CCDC158: variants seen among roughly 807,000 people sequenced by gnomAD.
The protein encoded by CCDC158 is coiled-coil domain-containing protein 158.
In CCDC158, 116 loss-of-function variants were observed where a neutral mutation model predicts 138.6. That is an observed-to-expected ratio of 0.84 (90% CI 0.72 to 0.98). CCDC158 has a LOEUF of 0.98. Ranked by LOEUF, CCDC158 falls within the 50% of genes least tolerant of loss-of-function variation. The probability of loss-of-function intolerance (pLI) is 0.00; values close to 1 mark genes in which losing one functional copy is unlikely to be tolerated. For missense variants in CCDC158, 1,265 were observed against 1,306.1 expected, an observed-to-expected ratio of 0.97 and a Z score of 0.48; for synonymous variants, 436 against 442.4, an observed-to-expected ratio of 0.99 and a Z score of 0.18.
rs375342560 is a variant in CCDC158 at position 76,338,391 on chromosome 4, A to G, written c.2665-4224T>C. 2.8e-4 allele frequency among the ~76,000 whole-genome samples: 42 copies of G among 152,310 alleles called. No homozygotes were observed. The East Asian group carries it at 7.7e-3, about 28-fold the overall frequency. ...TGGGCATGGTAGCGTGTATGCCTGTAGTCCCAGCTACTCGGGGGCCTGAGG... is the reference window on the plus strand; with the variant it reads ...TGGGCATGGTAGCGTGTATGCCTGTGGTCCCAGCTACTCGGGGGCCTGAGG... On this transcript the variant is annotated intron_variant, in intron 18 of 24. Transcript: ENST00000682701.
At chr4:76,343,250 A>G (rs1051861593) in intron 18 of CCDC158, among the ~76,000 whole-genome samples, 3 of 152,222 alleles carry the variant, frequency 2.0e-5, no homozygotes, top group African/African-American at 7.2e-5. Context: ...GAAACTGATC[A>G]GCCCAAGAAT....
rs1720771232 is a variant in CCDC158 at position 76,328,928 on chromosome 4, G to A, written c.2982C>T (p.Pro994=). The change falls in exon 22 of 25, where the codon CCC becomes CCT. Residue 994 remains proline (P), a synonymous_variant. Transcript: ENST00000682701. ...CAGATGTGAATGTGAAGCAACCAGA[G>A]GGATCTTCCCTGTCTCCTGCGTGTA... The part of the protein sequence containing the change: ...VTLHAGDRED[P]SGCFTFTSAA... The A allele has an allele frequency of 6.2e-7, 1 of 1,613,934 alleles. No individual in the cohort carries two copies. The highest frequency in any genetic ancestry group is 8.5e-7 in the Non-Finnish European group (1 of 1,179,844).
At chr4:76,398,674 A>G in intron 3 of CCDC158, among the ~76,000 whole-genome samples, 1 of 151,654 alleles carries the variant, frequency 6.6e-6, no homozygotes, top group Non-Finnish European at 1.5e-5. Flanking sequence ...CTCAAAAAAA[A>G]AAAAAAAAAA....
At chr4:76,354,126 A>G (rs190039272) in intron 15 of CCDC158, among the ~76,000 whole-genome samples, 1 of 151,796 alleles carries the variant, frequency 6.6e-6, no homozygotes, top group Non-Finnish European at 1.5e-5. Context: ...GCTACGATGA[A>G]TATTTTCCTT....
At position 76,328,887 on chromosome 4, in the gene CCDC158, A is replaced by C. The variant is rs1191793362; in HGVS notation, c.3010+13T>G. On this transcript the variant is annotated intron_variant, in intron 22 of 24. Transcript: ENST00000682701. ...TTGTAGGGCCTATTTCTGTGCTTTC[A>C]TTGGAAACTCACCTGCAGATGTGAA... 1 of 1,611,472 alleles carries C rather than the reference A, an allele frequency of 6.2e-7. No individual in the cohort carries two copies. The highest frequency in any genetic ancestry group is 1.3e-5 in the African/African-American group (1 of 74,908).
chr4:76,421,230 G>C (rs1730102693), upstream of CCDC158, among the ~76,000 whole-genome samples: 3 of 152,098 alleles, frequency 2.0e-5, no homozygotes. Context: ...GACGCTCTGC[G>C]AGGCTTCGTA....
chr4:76,355,521 G>C, intron 14 of CCDC158, 85 bp from the exon 15 acceptor site: 1 of 887,258 alleles, frequency 1.1e-6, no homozygotes, highest in Non-Finnish European at 1.9e-6. Flanking sequence ...TTTATGAGAA[G>C]GTGACAAGTA....
chr4:76,346,455 T>C (rs1049749469), intron 18 of CCDC158, among the ~76,000 whole-genome samples: 3 of 152,248 alleles, frequency 2.0e-5, no homozygotes, highest in African/African-American at 7.2e-5. Flanking sequence ...CTCACGCCTG[T>C]AATCCCAACG....
Position 76,380,194 on chromosome 4 carries a change from G to A in CCDC158, c.915-790C>T, listed in dbSNP as rs147066732. 2.8e-3 allele frequency among the ~76,000 whole-genome samples: 421 copies of A among 151,806 alleles called. 2 individuals are homozygous for A. The highest frequency in any genetic ancestry group is 9.2e-3 in the African/African-American group (382 of 41,348). On this transcript the variant is annotated intron_variant, in intron 8 of 24. Transcript: ENST00000682701. Reference sequence around the variant, plus strand: ...TATCTGAAAATGTGAAAGTGAATTTGGAACTAGGTAACAGGCAGAGGTTGG... The same window carrying A: ...TATCTGAAAATGTGAAAGTGAATTTAGAACTAGGTAACAGGCAGAGGTTGG...
At position 76,313,080 on chromosome 4, in the gene CCDC158, TAAAAAG is replaced by T; in HGVS notation, c.*84_*89del. On this transcript the variant is annotated 3_prime_UTR_variant, in exon 25 of 25. Coordinates refer to ENST00000682701, the MANE Select transcript of CCDC158 (RefSeq NM_001394954.1). ...GGGTATCTTTTATTAAATTTTCACA[TAAAAAG>T]AAAAAGTACACAGGGCACTAATTAC... 2 of 731,414 alleles carry T rather than the reference TAAAAAG, an allele frequency of 2.7e-6. No homozygotes were observed. Among genetic ancestry groups the T allele is most frequent in the Non-Finnish European group, 2.2e-6 (1 of 455,814 alleles). 45.3% of individuals were successfully genotyped at this position (731,414 alleles called of 1,614,324 possible). A position where few individuals can be genotyped will look rare whatever the true frequency, so the allele number is the denominator to read the frequency against.
intron 14 of CCDC158, among the ~76,000 whole-genome samples, chr4:76,356,209 T>C (rs1351302836): frequency 6.6e-6 from 1 of 152,176 alleles, no homozygotes; most frequent in Admixed American, 6.5e-5. Context: ...ATTAACAAGA[T>C]ACAGTTCTTC....
intron 18 of CCDC158, among the ~76,000 whole-genome samples, chr4:76,346,263 GACCTAAA>G (rs1722534380): frequency 1.3e-5 from 2 of 152,140 alleles, no homozygotes; most frequent in South Asian, 4.1e-4. Flanking sequence ...TTAAATGTAA[GACCTAAA>G]ACCATAAAAA....
At chr4:76,421,518 C>T (rs1035529322), upstream of CCDC158, among the ~76,000 whole-genome samples, 3 of 152,176 alleles carry the variant, frequency 2.0e-5, no homozygotes, top group East Asian at 3.9e-4. Flanking sequence ...TGCCCCCACC[C>T]GAGCGCCTCG....
chr4:76,337,340 T>C (rs1449830892), intron 18 of CCDC158, among the ~76,000 whole-genome samples: 2 of 152,224 alleles, frequency 1.3e-5, no homozygotes, highest in African/African-American at 4.8e-5. Context: ...TTGCATAGCT[T>C]ATAATGGTTT....
chr4:76,350,432 T>C (rs1208312247), intron 18 of CCDC158, among the ~76,000 whole-genome samples: 1 of 152,228 alleles, frequency 6.6e-6, no homozygotes, highest in African/African-American at 2.4e-5. Flanking sequence ...TTCTTTACAG[T>C]TGAATACTGG....
chr4:76,403,832 CA>C (rs1475676392), intron 2 of CCDC158, among the ~76,000 whole-genome samples: 2 of 152,296 alleles, frequency 1.3e-5, no homozygotes, highest in Admixed American at 6.5e-5. Context: ...TCTGCAAGTA[CA>C]GGGAAATCTT....
At chr4:76,408,835 C>G (rs1449583524) in intron 2 of CCDC158, among the ~76,000 whole-genome samples, 2 of 152,210 alleles carry the variant, frequency 1.3e-5, no homozygotes, top group African/African-American at 4.8e-5. Context: ...TCTCCACATC[C>G]TCTCCAGCAC....
intron 2 of CCDC158, among the ~76,000 whole-genome samples, chr4:76,410,122 GTA>G (rs898477627): frequency 6.6e-5 from 10 of 152,070 alleles, no homozygotes; most frequent in African/African-American, 2.4e-4. Flanking sequence ...ATTTCTTTTT[GTA>G]TGGCTACTAC....
intron 24 of CCDC158, among the ~76,000 whole-genome samples, chr4:76,318,183 A>G (rs1423148744): frequency 6.6e-6 from 1 of 152,132 alleles, no homozygotes; most frequent in Non-Finnish European, 1.5e-5. Context: ...ATGAAATTGA[A>G]GTAAATAAAT....
Sources: allele counts gnomAD v4.1 joint callset (sites outside exome capture counted in the v4.1 genomes callset), GRCh38; gene constraint gnomAD v4.1.1; transcripts MANE v1.5; gene names NCBI Gene and HGNC (gene_info 2026-07-23, HGNC 2026-07-21).